Variants in PACRG observed in about 807,000 individuals in gnomAD.
PACRG encodes the protein parkin coregulated gene protein.
A neutral mutation model predicts 29.7 loss-of-function variants in PACRG; 29 were observed. The ratio of observed to expected loss-of-function variants is 0.98; its 90% CI spans 0.73 to 1.33. The LOEUF (loss-of-function observed/expected upper bound fraction) is 1.33. Among genes scored for constraint, PACRG ranks in the 40% most tolerant of loss-of-function variants. The pLI, the probability that PACRG is intolerant of heterozygous loss-of-function variation, is 0.00. For synonymous variants in PACRG, 116 were observed against 118.7 expected (o/e 0.98, Z 0.15); for missense variants, 279 against 316.2 (o/e 0.88, Z 0.89).
intron 2 of PACRG, among the ~76,000 whole-genome samples, chr6:163,049,968 A>G (rs1429290843): frequency 1.3e-5 from 2 of 151,866 alleles, no homozygotes; most frequent in African/African-American, 4.8e-5. Context: ...TTAAAACTTC[A>G]CCTTTATTTT....
At chr6:162,807,509 A>G (rs975923959) in intron 1 of PACRG, among the ~76,000 whole-genome samples, 1 of 152,150 alleles carries the variant, frequency 6.6e-6, no homozygotes, top group Non-Finnish European at 1.5e-5. Context: ...GTCTCGGGAA[A>G]TAGGGAGGCC....
intron 4 of PACRG, among the ~76,000 whole-genome samples, chr6:163,158,154 C>A (rs569677425): frequency 6.6e-6 from 1 of 152,292 alleles, no homozygotes; most frequent in Admixed American, 6.5e-5. Context: ...ATTGGACCTT[C>A]ATCTATGTGT....
chr6:163,120,328 G>T (rs1240499373), intron 4 of PACRG, among the ~76,000 whole-genome samples: 1 of 152,130 alleles, frequency 6.6e-6, no homozygotes, highest in African/African-American at 2.4e-5. Flanking sequence ...CTGCACATCT[G>T]CCCCCATGAA....
At chr6:162,813,137 G>A (rs1448018002) in intron 1 of PACRG, among the ~76,000 whole-genome samples, 1 of 151,380 alleles carries the variant, frequency 6.6e-6, no homozygotes, top group Admixed American at 6.6e-5. Flanking sequence ...ATGTTATTTA[G>A]ATATGTTAAT....
intron 4 of PACRG, among the ~76,000 whole-genome samples, chr6:163,277,108 A>G (rs550391996): frequency 7.9e-5 from 12 of 151,818 alleles, no homozygotes; most frequent in African/African-American, 2.7e-4. Context: ...ATGTTTTACA[A>G]TTTTTTTTAT....
chr6:163,112,776 G>T (rs1181476508), intron 4 of PACRG, among the ~76,000 whole-genome samples: 4 of 152,164 alleles, frequency 2.6e-5, no homozygotes, highest in Non-Finnish European at 4.4e-5. Flanking sequence ...GGGGAAGGGG[G>T]TAGTCTGATT....
chr6:162,768,178 C>T (rs1052627838), intron 1 of PACRG, among the ~76,000 whole-genome samples: 1 of 151,998 alleles, frequency 6.6e-6, no homozygotes, highest in Non-Finnish European at 1.5e-5. Flanking sequence ...TGTTTATGCT[C>T]AGGTGAATGT....
At chr6:162,814,492 G>A (rs536829134) in intron 2 of PACRG, among the ~76,000 whole-genome samples, 2 of 152,276 alleles carry the variant, frequency 1.3e-5, no homozygotes, top group African/African-American at 4.8e-5. Flanking sequence ...AAATGACAGA[G>A]TTGCTTTGCC....
chr6:162,973,424 G>A (rs1264168322), intron 2 of PACRG, among the ~76,000 whole-genome samples: 1 of 152,196 alleles, frequency 6.6e-6, no homozygotes, highest in African/African-American at 2.4e-5. Context: ...AGCTGTGACT[G>A]CAGCCCTTGC....
At chr6:163,221,562 C>T (rs548773867) in intron 4 of PACRG, among the ~76,000 whole-genome samples, 17 of 152,312 alleles carry the variant, frequency 1.1e-4, no homozygotes, top group African/African-American at 3.1e-4. Flanking sequence ...CCTAGGCTTC[C>T]GCCTGATTAT....
At chr6:163,231,736 C>G (rs890160626) in intron 4 of PACRG, among the ~76,000 whole-genome samples, 1 of 152,182 alleles carries the variant, frequency 6.6e-6, no homozygotes, top group Non-Finnish European at 1.5e-5. Flanking sequence ...AGCCCCTTAT[C>G]CATGAGCTTG....
At chr6:162,955,686 C>T (rs1310091526) in intron 2 of PACRG, among the ~76,000 whole-genome samples, 2 of 152,136 alleles carry the variant, frequency 1.3e-5, no homozygotes, top group African/African-American at 2.4e-5. Flanking sequence ...CCTGCCTCAA[C>T]GTTTTGATAT....
chr6:162,872,988 T>G (rs1792957391), intron 2 of PACRG, among the ~76,000 whole-genome samples: 1 of 152,166 alleles, frequency 6.6e-6, no homozygotes, highest in Non-Finnish European at 1.5e-5. Context: ...AATTACTCAG[T>G]TAAGAAGTAA....
chr6:162,945,446 A>G (rs1490995723), intron 2 of PACRG, among the ~76,000 whole-genome samples: 1 of 152,126 alleles, frequency 6.6e-6, no homozygotes, highest in Admixed American at 6.5e-5. Context: ...ATTCAACAAG[A>G]GGGGTAACAA....
chr6:162,830,473 G>A (rs1231585658), intron 2 of PACRG, among the ~76,000 whole-genome samples: 2 of 152,126 alleles, frequency 1.3e-5, no homozygotes, highest in African/African-American at 2.4e-5. Flanking sequence ...CCCTCTTCAG[G>A]GCTGTGCTCC....
intron 2 of PACRG, among the ~76,000 whole-genome samples, chr6:163,006,782 G>A (rs1336319245): frequency 1.3e-5 from 2 of 151,074 alleles, no homozygotes; most frequent in Non-Finnish European, 1.5e-5. Context: ...AATAATGTTA[G>A]CATTATTTTA....
intron 4 of PACRG, among the ~76,000 whole-genome samples, chr6:163,299,458 G>A (rs781190448): frequency 2.9e-4 from 44 of 152,190 alleles, no homozygotes; most frequent in Non-Finnish European, 5.7e-4. Context: ...GATGAGGAGA[G>A]TGGAGGACGG....
chr6:162,858,896 G>T (rs989161292), intron 2 of PACRG, among the ~76,000 whole-genome samples: 1 of 152,184 alleles, frequency 6.6e-6, no homozygotes, highest in African/African-American at 2.4e-5. Flanking sequence ...GGGAAGAAGG[G>T]GTGGAGGGAA....
chr6:163,124,470 G>C (rs1017918046), intron 4 of PACRG, among the ~76,000 whole-genome samples: 2 of 152,152 alleles, frequency 1.3e-5, no homozygotes, highest in Non-Finnish European at 2.9e-5. Context: ...CCAACTATGT[G>C]ACCTTGGGCA....
Sources: allele counts gnomAD v4.1 joint callset (sites outside exome capture counted in the v4.1 genomes callset), GRCh38; gene constraint gnomAD v4.1.1; transcripts MANE v1.5; gene names NCBI Gene and HGNC (gene_info 2026-07-23, HGNC 2026-07-21).